Variants in RANBP17 observed in about 807,000 individuals in gnomAD.
RANBP17 encodes the protein RAN binding protein 17, also known as ran-binding protein 17.
Under a neutral mutation model 141.2 loss-of-function variants are expected in RANBP17, and 158 were observed. That is an observed-to-expected ratio of 1.12 (90% CI 0.98 to 1.28). The LOEUF (loss-of-function observed/expected upper bound fraction) is 1.28, where lower values mean the gene tolerates loss of function less well. RANBP17 is among the 50% of genes most tolerant of loss of function. RANBP17 has a pLI of 0.00. For missense variants in RANBP17, 1,438 were observed against 1,290.7 expected, an observed-to-expected ratio of 1.11 and a Z score of -1.75; for synonymous variants, 430 against 450.0, an observed-to-expected ratio of 0.96 and a Z score of 0.56.
chr5:171,107,029 T>TTTG (rs5873254), intron 14 of RANBP17, among the ~76,000 whole-genome samples: 99,884 of 151,222 alleles, frequency 0.66, 33,919 homozygotes, highest in South Asian at 0.89. Flanking sequence ...CTTTTGTTTG[T>TTTG]TTGTTGTTGT....
chr5:171,254,268 C>T (rs1765752777), intron 24 of RANBP17, among the ~76,000 whole-genome samples: 1 of 151,004 alleles, frequency 6.6e-6, no homozygotes. Context: ...AAAAAAAATT[C>T]CTGTAGTTGT....
At chr5:171,131,119 T>C (rs1456971502) in intron 14 of RANBP17, among the ~76,000 whole-genome samples, 1 of 152,216 alleles carries the variant, frequency 6.6e-6, no homozygotes, top group Non-Finnish European at 1.5e-5. Context: ...GATCCTCAGC[T>C]TTCTTGTCTA....
At position 171,125,142 on chromosome 5, in the gene RANBP17, C is replaced by A. The variant is rs12521872; in HGVS notation, c.1711-44988C>A. On this transcript the variant is annotated intron_variant, in intron 14 of 27. Coordinates refer to ENST00000523189, the MANE Select transcript of RANBP17 (RefSeq NM_022897.5). ...AAACCCCATCTCTATTGAAAAAATA[C>A]AAAAATTAGCCAGGCGTGGTGGCAG... is the stretch of plus-strand genomic sequence containing the variant. 4.5e-3 allele frequency among the ~76,000 whole-genome samples: 688 copies of A among 151,556 alleles called. 21 individuals carry two copies. The highest frequency in any genetic ancestry group is 0.042 in the Admixed American group (623 of 14,974).
At chr5:170,907,388 A>G (rs1771152062) in intron 5 of RANBP17, among the ~76,000 whole-genome samples, 1 of 151,990 alleles carries the variant, frequency 6.6e-6, no homozygotes. Flanking sequence ...TCTGGAATAA[A>G]ACATGGAGTT....
chr5:171,008,335 A>G (rs191128213), intron 14 of RANBP17, among the ~76,000 whole-genome samples: 2 of 152,142 alleles, frequency 1.3e-5, no homozygotes, highest in African/African-American at 4.8e-5. Context: ...TCATAGGTGG[A>G]TCTCTTCACG....
chr5:171,245,586 T>C (rs1765164155), intron 24 of RANBP17, among the ~76,000 whole-genome samples: 1 of 152,196 alleles, frequency 6.6e-6, no homozygotes. Context: ...AGTGCTGGGA[T>C]TATAGGCATG....
At chr5:171,024,993 C>G (rs1356808476) in intron 14 of RANBP17, among the ~76,000 whole-genome samples, 1 of 152,150 alleles carries the variant, frequency 6.6e-6, no homozygotes, top group African/African-American at 2.4e-5. Flanking sequence ...GAAAAAGCTG[C>G]TTTACCTTTA....
intron 14 of RANBP17, among the ~76,000 whole-genome samples, chr5:171,042,018 T>A (rs1414470713): frequency 6.6e-6 from 1 of 152,126 alleles, no homozygotes; most frequent in Non-Finnish European, 1.5e-5. Context: ...CCTGTGTTAG[T>A]TTGCTGAGGA....
At chr5:171,298,695 A>G in intron 27 of RANBP17, 67 bp from the exon 28 acceptor site, 2 of 1,296,666 alleles carry the variant, frequency 1.5e-6, no homozygotes. Context: ...AAATGGCCTT[A>G]TCGTCCAGAA....
intron 14 of RANBP17, among the ~76,000 whole-genome samples, chr5:171,055,897 CA>C (rs1185355403): frequency 1.7e-3 from 73 of 42,374 alleles, no homozygotes; most frequent in East Asian, 3.4e-3. Context: ...AAAAAAAAAA[CA>C]AAAAAAAAAA....
At chr5:170,880,711 A>G (rs1039094850) in intron 2 of RANBP17, among the ~76,000 whole-genome samples, 7 of 152,228 alleles carry the variant, frequency 4.6e-5, no homozygotes, top group Admixed American at 2.0e-4. Flanking sequence ...CATAAAAAGC[A>G]CATTGTTTTG....
chr5:170,955,617 GTATA>G (rs35979849), intron 13 of RANBP17, among the ~76,000 whole-genome samples: 1,056 of 36,908 alleles, frequency 0.029, 183 homozygotes, highest in South Asian at 0.19. Context: ...TATGCTCAGT[GTATA>G]TATATATATA....
At position 171,241,134 on chromosome 5, in the gene RANBP17, G is replaced by T; in HGVS notation, c.2629G>T (p.Asp877Tyr). 6.2e-7 allele frequency: 1 copy of T among 1,611,590 alleles called. No homozygotes were observed. Among genetic ancestry groups the T allele is most frequent in the South Asian group, 1.1e-5 (1 of 90,928 alleles). ...AATGCTGCTGTCAGTGTCCCACAGTGACTTGCTAGTAAGCAATCATGCATC... is the reference window on the plus strand; with the variant it reads ...AATGCTGCTGTCAGTGTCCCACAGTTACTTGCTAGTAAGCAATCATGCATC... ...VKMLLSVSHS[D>Y]LLQYRKLSQS... is the part of the protein sequence containing the mutation. The change falls in exon 23 of 28, where the codon GAC becomes TAC. Residue 877 changes from aspartate (D) to tyrosine (Y), a missense_variant. Asp to Tyr is a radical substitution (Grantham distance 160). Transcript: ENST00000523189.
At chr5:171,285,085 G>A (rs751750472) in intron 25 of RANBP17, among the ~76,000 whole-genome samples, 18 of 152,310 alleles carry the variant, frequency 1.2e-4, no homozygotes, top group South Asian at 6.2e-4. Context: ...TGGGCTGTTC[G>A]TTCCTCAAAC....
intron 14 of RANBP17, among the ~76,000 whole-genome samples, chr5:171,012,105 CATTTGTTTAAACAAATAATAT>C (rs1437504350): frequency 1.3e-5 from 2 of 150,682 alleles, no homozygotes; most frequent in African/African-American, 4.9e-5. Context: ...ACAAATAATA[CATTTGTTTAAACAAATAATAT>C]AATTTGTTTA....
At chr5:171,058,555 C>A (rs535248279) in intron 14 of RANBP17, among the ~76,000 whole-genome samples, 3 of 151,726 alleles carry the variant, frequency 2.0e-5, no homozygotes, top group African/African-American at 4.8e-5. Context: ...TTAATCCAGT[C>A]TATCATTGTT....
At chr5:170,933,061 G>A (rs1270601211) in intron 12 of RANBP17, among the ~76,000 whole-genome samples, 1 of 151,984 alleles carries the variant, frequency 6.6e-6, no homozygotes, top group Non-Finnish European at 1.5e-5. Context: ...TTGGTTGGTA[G>A]GCTATTAATT....
rs544225982 is a variant in RANBP17, at chr5:171,006,192, T to G, written c.1710+37815T>G. Reference sequence around the variant, plus strand: ...CCATTGTGGAAGTCAGTATGGCGATTCCTTCGGGATCTAGAACTAGAAATA... The same window carrying G: ...CCATTGTGGAAGTCAGTATGGCGATGCCTTCGGGATCTAGAACTAGAAATA... On this transcript the variant is annotated intron_variant, in intron 14 of 27. Transcript: ENST00000523189. Among the ~76,000 whole-genome samples, 14 of 152,356 alleles carry G rather than the reference T, an allele frequency of 9.2e-5. No homozygotes were observed. The South Asian group carries it at 2.9e-3, about 32-fold the overall frequency.
chr5:170,896,317 A>T, intron 5 of RANBP17: 1 of 551,318 alleles, frequency 1.8e-6, no homozygotes, highest in Non-Finnish European at 3.2e-6. Context: ...AGATATCTGC[A>T]ATAGTACAGA....
Sources: gnomAD v4.1 joint callset for allele counts (sites outside exome capture counted in the v4.1 genomes callset) on GRCh38, gnomAD v4.1.1 for gene constraint, MANE v1.5 for transcripts, NCBI Gene and HGNC (gene_info 2026-07-23, HGNC 2026-07-21) for gene names.